Variants in ACYP2 observed in about 807,000 individuals in gnomAD.
ACYP2 encodes acylphosphatase 2.
A neutral mutation model predicts 11.2 loss-of-function variants in ACYP2; 12 were observed. That is an observed-to-expected ratio of 1.08 (90% CI 0.69 to 1.74). The LOEUF is 1.74. Among genes scored for constraint, ACYP2 ranks in the 40% most tolerant of loss-of-function variants. The pLI is 0.00. For synonymous variants in ACYP2, 43 were observed against 32.2 expected, an observed-to-expected ratio of 1.33 and a Z score of -1.13; for missense variants, 134 against 101.9, an observed-to-expected ratio of 1.31 and a Z score of -1.35.
chr2:54,117,695 G>T (rs938171970), intron 4 of ACYP2, among the ~76,000 whole-genome samples: 1 of 152,170 alleles, frequency 6.6e-6, no homozygotes, highest in African/African-American at 2.4e-5. Context: ...TTTACACTTT[G>T]GTGCAGTGTA....
At chr2:54,238,862 A>G (rs538474682) in intron 6 of ACYP2, among the ~76,000 whole-genome samples, 3 of 151,672 alleles carry the variant, frequency 2.0e-5, no homozygotes, top group Non-Finnish European at 4.4e-5. Flanking sequence ...TAAAACTGAT[A>G]TCCCTACCAA....
intron 6 of ACYP2, among the ~76,000 whole-genome samples, chr2:54,181,819 G>C (rs1683743876): frequency 6.6e-6 from 1 of 152,036 alleles, no homozygotes; most frequent in Admixed American, 6.6e-5. Flanking sequence ...TGGTTCTCCT[G>C]ACTAGTAGTA....
At chr2:54,005,048 T>G (rs1672996105) in intron 2 of ACYP2, among the ~76,000 whole-genome samples, 1 of 152,120 alleles carries the variant, frequency 6.6e-6, no homozygotes, top group Non-Finnish European at 1.5e-5. Context: ...AGTGTCTCTC[T>G]GGTGTTGTAT....
At chr2:54,274,721 G>A (rs1688472459) in intron 6 of ACYP2, among the ~76,000 whole-genome samples, 1 of 144,876 alleles carries the variant, frequency 6.9e-6, no homozygotes, top group Non-Finnish European at 1.5e-5. Context: ...CTTAACCTTA[G>A]AATGTCAAAG....
At position 54,117,532 on chromosome 2, in the gene ACYP2, A is replaced by C. The variant is rs1353221125; in HGVS notation, c.278-17921A>C. ...AGTCTCGAAATCCTGGCTTCAAGGG[A>C]TCCTCCTGCACTTCGCCTCCCAAAG... is the stretch of plus-strand genomic sequence containing the variant. On this transcript the variant is annotated intron_variant, in intron 4 of 6. Transcript: ENST00000607452. Among the ~76,000 whole-genome samples, 15 of 152,248 alleles carry C rather than the reference A, an allele frequency of 9.9e-5. No homozygotes were observed. The East Asian group carries it at 2.7e-3, about 27-fold the overall frequency.
chr2:53,984,261 C>G (rs774845275), intron 2 of ACYP2, among the ~76,000 whole-genome samples: 1 of 152,102 alleles, frequency 6.6e-6, no homozygotes, highest in Non-Finnish European at 1.5e-5. Context: ...CCCAGTCCCA[C>G]CTGAACATAG....
chr2:54,067,971 T>C (rs1395484350), intron 4 of ACYP2, among the ~76,000 whole-genome samples: 1 of 152,170 alleles, frequency 6.6e-6, no homozygotes, highest in Admixed American at 6.5e-5. Context: ...AAGCAAAACA[T>C]TGAGGGAAGG....
chr2:54,202,360 G>T (rs1274883271), intron 6 of ACYP2, among the ~76,000 whole-genome samples: 1 of 149,016 alleles, frequency 6.7e-6, no homozygotes, highest in Non-Finnish European at 1.5e-5. Context: ...ACCTGCCTCG[G>T]CCTCCCAAAG....
At chr2:54,161,402 A>G (rs922028334) in intron 6 of ACYP2, among the ~76,000 whole-genome samples, 18 of 152,070 alleles carry the variant, frequency 1.2e-4, no homozygotes, top group African/African-American at 4.3e-4. Flanking sequence ...GTCTTATCTA[A>G]CCCCTATTGA....
At chr2:54,176,539 G>GT (rs1683467758) in intron 6 of ACYP2, among the ~76,000 whole-genome samples, 1 of 152,178 alleles carries the variant, frequency 6.6e-6, no homozygotes, top group Non-Finnish European at 1.5e-5. Flanking sequence ...TATAATACTT[G>GT]TTTTAGAACA....
chr2:54,255,566 G>A (rs1558647230), intron 6 of ACYP2: 3 of 1,612,796 alleles, frequency 1.9e-6, no homozygotes, highest in Non-Finnish European at 2.5e-6. Flanking sequence ...CCCACGTTCA[G>A]GGGCCCGGGC....
intron 2 of ACYP2, among the ~76,000 whole-genome samples, chr2:53,979,625 CA>C (rs1671656323): frequency 7.6e-6 from 1 of 132,088 alleles, no homozygotes; most frequent in African/African-American, 2.6e-5. Flanking sequence ...GACTCTGTCT[CA>C]AAAATAAAAA....
intron 6 of ACYP2, among the ~76,000 whole-genome samples, chr2:54,146,439 A>ATTTTTTTTTTTTTTT (rs11360655): frequency 7.1e-6 from 1 of 140,614 alleles, no homozygotes; most frequent in Non-Finnish European, 1.6e-5. Context: ...CTGATCCTCT[A>ATTTTTTTTTTTTTTT]TTTTTTTTTT....
intron 6 of ACYP2, among the ~76,000 whole-genome samples, chr2:54,139,001 A>G (rs1294248900): frequency 6.6e-6 from 1 of 152,196 alleles, no homozygotes; most frequent in East Asian, 1.9e-4. Flanking sequence ...AATAGTATTG[A>G]TGGACCAGAT....
At chr2:54,236,164 G>A (rs773163142) in intron 6 of ACYP2, among the ~76,000 whole-genome samples, 11 of 151,922 alleles carry the variant, frequency 7.2e-5, no homozygotes, top group Non-Finnish European at 1.6e-4. Flanking sequence ...TCCAACTCCT[G>A]GGCTCAAGTG....
At chr2:54,260,540 T>A (rs561587732) in intron 6 of ACYP2, among the ~76,000 whole-genome samples, 5 of 152,152 alleles carry the variant, frequency 3.3e-5, no homozygotes, top group African/African-American at 7.2e-5. Flanking sequence ...TCTTAGAGTT[T>A]AAGCTGGAGG....
rs1455677449 is a variant in ACYP2, at chr2:54,157,102, T to A, written c.404+18354T>A. Reference sequence around the variant, plus strand: ...AAAATTTACACAAGATTTACATGGTTGTCCTAAAATTTAAATGATGTGGAT... The same window carrying A: ...AAAATTTACACAAGATTTACATGGTAGTCCTAAAATTTAAATGATGTGGAT... On this transcript the variant is annotated intron_variant, in intron 6 of 6. Transcript: ENST00000607452. Among the ~76,000 whole-genome samples, 6 of 152,246 alleles carry A rather than the reference T, an allele frequency of 3.9e-5. 1 individual carries two copies. Among genetic ancestry groups the A allele is most frequent in the Admixed American group, 3.3e-4 (5 of 15,290 alleles).
rs115579945 is a variant in ACYP2, at chr2:54,234,524, C to T, written c.405-70164C>T. On this transcript the variant is annotated intron_variant, in intron 6 of 6. Coordinates refer to ENST00000607452, the MANE Select transcript of ACYP2 (RefSeq NM_001320586.2). ...GCTCTGCTTTTGTCTGCAGCTGATA[C>T]GAAGTGCAATGGTTTTGGCACCTAC... is the stretch of plus-strand genomic sequence containing the variant. Among the ~76,000 whole-genome samples, 442 of 152,342 alleles carry T rather than the reference C, an allele frequency of 2.9e-3. 3 individuals carry two copies. The highest frequency in any genetic ancestry group is 1.0e-2 in the African/African-American group (415 of 41,578).
chr2:54,072,451 ATTCTTTCTTTCTTTCTTT>A (rs1677091474), intron 4 of ACYP2, among the ~76,000 whole-genome samples: 1 of 149,866 alleles, frequency 6.7e-6, no homozygotes, highest in Admixed American at 6.7e-5. Flanking sequence ...ACCTTTTGAA[ATTCTTTCTTTCTTTCTTT>A]TTCTTTCTTT....
Sources: gnomAD v4.1 joint callset for allele counts (sites outside exome capture counted in the v4.1 genomes callset) on GRCh38, gnomAD v4.1.1 for gene constraint, MANE v1.5 for transcripts, NCBI Gene and HGNC (gene_info 2026-07-23, HGNC 2026-07-21) for gene names.